RIMS2: variants seen among roughly 807,000 people sequenced by gnomAD.
The protein encoded by RIMS2 is regulating synaptic membrane exocytosis 2, also known as regulating synaptic membrane exocytosis protein 2.
A neutral mutation model predicts 174.4 loss-of-function variants in RIMS2; 59 were observed. The observed-to-expected ratio is 0.34, with a 90% CI of 0.27 to 0.42. The LOEUF (loss-of-function observed/expected upper bound fraction) is 0.42. Among genes scored for constraint, RIMS2 ranks in the 10% least tolerant of loss-of-function variants. The probability of loss-of-function intolerance (pLI) is 1.00; values close to 1 mark genes in which losing one functional copy is unlikely to be tolerated. For missense variants in RIMS2, 1,620 were observed against 1,666.3 expected (o/e 0.97, Z 0.48); for synonymous variants, 606 against 572.5 (o/e 1.06, Z -0.84).
At chr8:103,760,294 T>A (rs1036418593) in intron 2 of RIMS2, among the ~76,000 whole-genome samples, 1 of 152,206 alleles carries the variant, frequency 6.6e-6, no homozygotes, top group Non-Finnish European at 1.5e-5. Flanking sequence ...GTGATTACAA[T>A]TCATGGTAAA....
chr8:103,574,073 CT>C (rs34229093), intron 1 of RIMS2, among the ~76,000 whole-genome samples: 29,623 of 146,202 alleles, frequency 0.2, 3,070 homozygotes, highest in African/African-American at 0.27. Flanking sequence ...GTAAGCAATA[CT>C]TTTTTTTTTT....
At chr8:103,588,909 G>A (rs2133213378) in intron 1 of RIMS2, among the ~76,000 whole-genome samples, 1 of 151,838 alleles carries the variant, frequency 6.6e-6, no homozygotes, top group Non-Finnish European at 1.5e-5. Flanking sequence ...ATGAACTAAT[G>A]GGATCACATC....
intron 15 of RIMS2, among the ~76,000 whole-genome samples, chr8:103,962,393 A>G (rs145589016): frequency 1.4e-3 from 218 of 152,228 alleles, no homozygotes; most frequent in African/African-American, 4.5e-3. Flanking sequence ...ACCCCACTCA[A>G]AGTGCTTACT....
intron 3 of RIMS2, among the ~76,000 whole-genome samples, chr8:103,784,345 T>C (rs1450025477): frequency 0.017 from 2,518 of 150,474 alleles, 32 homozygotes; most frequent in Non-Finnish European, 0.027. Context: ...TCCTTGCCCA[T>C]GCCTATGTCC....
chr8:103,951,410 C>A (rs954507490), intron 14 of RIMS2, among the ~76,000 whole-genome samples: 6 of 152,172 alleles, frequency 3.9e-5, no homozygotes, highest in Admixed American at 1.3e-4. Context: ...ACTGAGGTAC[C>A]CAGTTCATCT....
intron 19 of RIMS2, among the ~76,000 whole-genome samples, chr8:104,237,166 G>T (rs1313780409): frequency 6.6e-6 from 1 of 152,062 alleles, no homozygotes; most frequent in Admixed American, 6.6e-5. Context: ...ATCAAATTCA[G>T]AGTTTTTAAC....
At chr8:103,923,813 A>T (rs1177527573) in intron 10 of RIMS2, among the ~76,000 whole-genome samples, 5 of 151,758 alleles carry the variant, frequency 3.3e-5, no homozygotes, top group Non-Finnish European at 7.4e-5. Flanking sequence ...GAAAGTACAG[A>T]AAATTAATAA....
chr8:104,075,174 C>T (rs1175515420), intron 19 of RIMS2, among the ~76,000 whole-genome samples: 4 of 151,944 alleles, frequency 2.6e-5, no homozygotes, highest in Non-Finnish European at 5.9e-5. Flanking sequence ...GCTGCTGCAG[C>T]GTCAGTTCTC....
chr8:103,627,147 C>A lies in RIMS2; in HGVS notation c.177-69939C>A, dbSNP rs2095805423. On this transcript the variant is annotated intron_variant, in intron 1 of 23. Transcript: ENST00000504942. ...CATCTATAGACCTACCCCAGGAATG[C>A]ATTCCTTCCCCAGGGTTTCAATTAT... 2.6e-5 allele frequency among the ~76,000 whole-genome samples: 4 copies of A among 152,254 alleles called. No homozygotes were observed. In the South Asian group the frequency reaches 8.3e-4, roughly 32 times the overall value.
chr8:103,669,144 T>A (rs1035453219), intron 1 of RIMS2, among the ~76,000 whole-genome samples: 1 of 152,060 alleles, frequency 6.6e-6, no homozygotes, highest in Non-Finnish European at 1.5e-5. Context: ...AAAAGGCACA[T>A]CTTACATGGT....
intron 19 of RIMS2, among the ~76,000 whole-genome samples, chr8:104,112,259 T>C (rs2098198286): frequency 6.6e-6 from 1 of 152,136 alleles, no homozygotes; most frequent in Non-Finnish European, 1.5e-5. Context: ...TCATTTCCTG[T>C]TATACTTTCA....
At chr8:103,664,159 C>T (rs1211123734) in intron 1 of RIMS2, among the ~76,000 whole-genome samples, 1 of 152,118 alleles carries the variant, frequency 6.6e-6, no homozygotes, top group African/African-American at 2.4e-5. Flanking sequence ...AATGTAAGAC[C>T]TAATACCATA....
intron 19 of RIMS2, among the ~76,000 whole-genome samples, chr8:104,101,091 T>TATATAATATTGCATATATTATATATGTA (rs2097887459): frequency 7.7e-6 from 1 of 130,562 alleles, no homozygotes; most frequent in African/African-American, 2.9e-5. Flanking sequence ...ATATATGTAA[T>TATATAATATTGCATATATTATATATGTA]ATATAATATT....
At chr8:104,184,885 A>T (rs1289116640) in intron 19 of RIMS2, among the ~76,000 whole-genome samples, 2 of 151,108 alleles carry the variant, frequency 1.3e-5, no homozygotes, top group Non-Finnish European at 3.0e-5. Flanking sequence ...GTACATATGT[A>T]TCATGATAAG....
intron 17 of RIMS2, among the ~76,000 whole-genome samples, chr8:103,994,747 G>A (rs1182472296): frequency 6.6e-6 from 1 of 152,014 alleles, no homozygotes; most frequent in African/African-American, 2.4e-5. Context: ...GAATCTCAAG[G>A]AGGGTCATGA....
intron 19 of RIMS2, among the ~76,000 whole-genome samples, chr8:104,210,122 C>T (rs185743475): frequency 8.5e-4 from 130 of 152,064 alleles, no homozygotes; most frequent in Non-Finnish European, 1.4e-3. Context: ...TTTTTGTATA[C>T]GTAGAAACAC....
intron 3 of RIMS2, among the ~76,000 whole-genome samples, chr8:103,811,593 C>T (rs1405735341): frequency 2.6e-5 from 4 of 151,990 alleles, no homozygotes; most frequent in Non-Finnish European, 4.4e-5. Context: ...TACAGGCACC[C>T]GCCGCTACAT....
At chr8:103,851,783 G>A (rs965641106) in intron 3 of RIMS2, among the ~76,000 whole-genome samples, 3 of 151,702 alleles carry the variant, frequency 2.0e-5, no homozygotes, top group Non-Finnish European at 4.4e-5. Context: ...TAAGCAAAAT[G>A]GGACTTTATT....
At chr8:103,639,925 AT>A (rs2096187504) in intron 1 of RIMS2, among the ~76,000 whole-genome samples, 1 of 151,982 alleles carries the variant, frequency 6.6e-6, no homozygotes, top group African/African-American at 2.4e-5. Context: ...AGATCAAATC[AT>A]AAGAACTGAC....
Sources: gnomAD v4.1 joint callset for allele counts (sites outside exome capture counted in the v4.1 genomes callset) on GRCh38, gnomAD v4.1.1 for gene constraint, MANE v1.5 for transcripts, NCBI Gene and HGNC (gene_info 2026-07-23, HGNC 2026-07-21) for gene names.